Variants in RPS7 observed in about 807,000 individuals in gnomAD.
RPS7 encodes ribosomal protein S7.
Under a neutral mutation model 22.1 loss-of-function variants are expected in RPS7, and 1 was observed. The observed-to-expected ratio is 0.05, with a 90% CI of 0.02 to 0.21. The LOEUF is 0.21. Among genes scored for constraint, RPS7 ranks in the 10% least tolerant of loss-of-function variants. The pLI, the probability that RPS7 is intolerant of heterozygous loss-of-function variation, is 1.00. For missense variants in RPS7, 137 were observed against 246.4 expected (o/e 0.56, Z 2.97); for synonymous variants, 80 against 92.0 (o/e 0.87, Z 0.74).
At chr2:3,576,227 G>T (rs1363053641) in intron 3 of RPS7, 2 of 597,460 alleles carry the variant, frequency 3.3e-6, no homozygotes, top group East Asian at 5.7e-5. Context: ...CCTTAGCCCG[G>T]AGTTGCCGCA....
At chr2:3,579,221 G>C (rs190120183) in intron 5 of RPS7, 2 of 152,150 alleles carry the variant, frequency 1.3e-5, no homozygotes, top group African/African-American at 4.8e-5. Context: ...TTAATGAGTC[G>C]CAATGAATAA....
Position 3,577,702 on chromosome 2 carries a change from C to A in RPS7, c.292-8C>A, listed in dbSNP as rs373405472. 1.0e-5 allele frequency: 16 copies of A among 1,604,064 alleles called. No individual in the cohort carries two copies. In the African/African-American group the frequency reaches 2.1e-4, roughly 21 times the overall value. On this transcript the variant is annotated splice_region_variant and splice_polypyrimidine_tract_variant and intron_variant, in intron 4 of 6. Coordinates refer to ENST00000645674, the MANE Select transcript of RPS7 (RefSeq NM_001011.4). Reference sequence around the variant, plus strand: ...TCATTTTGTTACATGATAATTTTTACCTTACAGAGGAGAATTCTGCCTAAG... The same window carrying A: ...TCATTTTGTTACATGATAATTTTTAACTTACAGAGGAGAATTCTGCCTAAG...
intron 4 of RPS7, chr2:3,577,500 G>T: frequency 1.7e-6 from 1 of 588,328 alleles, no homozygotes; most frequent in Non-Finnish European, 3.0e-6. Flanking sequence ...ATTAGTAGAG[G>T]CTGTGGATTC....
chr2:3,577,949 A>G (rs1661322118), intron 5 of RPS7, 175 bp downstream of exon 5: 1 of 610,320 alleles, frequency 1.6e-6, no homozygotes, highest in South Asian at 2.0e-5. Context: ...TAAAACATAC[A>G]TGTATTCATG....
At chr2:3,578,908 G>A (rs1305368430) in intron 5 of RPS7, 2 of 152,190 alleles carry the variant, frequency 1.3e-5, no homozygotes, top group African/African-American at 4.8e-5. Context: ...TCTGTACATT[G>A]AAAGCCTTCA....
Position 3,575,336 on chromosome 2 carries a change from C to T in RPS7, c.-33C>T. ...CGCGAGATTTGGGTCTCTTCCTAAG[C>T]CGGCGCTCGGCAAGGTAGGTTGGCG... On this transcript the variant is annotated 5_prime_UTR_variant, in exon 1 of 7. Transcript: ENST00000645674. The T allele has an allele frequency of 1.9e-6, 1 of 524,808 alleles. No homozygotes were observed. Among genetic ancestry groups the T allele is most frequent in the Non-Finnish European group, 3.4e-6 (1 of 295,186 alleles). The allele number at this position is 524,808 out of a possible 1,614,324, so 32.5% of individuals were successfully genotyped here. A position where few individuals can be genotyped will look rare whatever the true frequency, so the allele number is the denominator to read the frequency against.
rs1182368410 is a variant in RPS7, at chr2:3,576,687, G to C, written c.291+57G>C. The C allele has an allele frequency of 5.1e-6, 8 of 1,565,238 alleles. No homozygotes were observed. The African/African-American group carries it at 9.5e-5, about 19-fold the overall frequency. ...TTTGTGAATTTTGCTAAAATTGCTTGTATTTAGACTGCATTGGTAGTTGGA... is the reference window on the plus strand; with the variant it reads ...TTTGTGAATTTTGCTAAAATTGCTTCTATTTAGACTGCATTGGTAGTTGGA... On this transcript the variant is annotated intron_variant, in intron 4 of 6. Coordinates refer to ENST00000645674, the MANE Select transcript of RPS7 (RefSeq NM_001011.4).
chr2:3,579,891 T>G, intron 5 of RPS7: 1 of 600,406 alleles, frequency 1.7e-6, no homozygotes, highest in Non-Finnish European at 3.0e-6. Context: ...TAAAATTGAC[T>G]GAGCTTTTGA....
intron 4 of RPS7, chr2:3,577,508 T>A: frequency 1.7e-6 from 1 of 594,280 alleles, no homozygotes; most frequent in Non-Finnish European, 3.0e-6. Context: ...AGGCTGTGGA[T>A]TCTGAATGAT....
Position 3,577,747 on chromosome 2 carries a change from C to T in RPS7, c.329C>T (p.Thr110Ile). Residue 110 changes from threonine to isoleucine, a missense_variant, in exon 5 of 7, where the codon ACA becomes ATA. By Grantham distance (89) the Thr-to-Ile change is moderately conservative. Transcript: ENST00000645674. ...ILPKPTRKSR[T>I]KNKQKRPRSR... ...CCTAAGCCAACTCGAAAAAGCCGTA[C>T]AAAAAATAAGCAAAAGCGTCCCAGG... The T allele has an allele frequency of 6.2e-7, 1 of 1,612,864 alleles. No homozygotes were observed. Among genetic ancestry groups the T allele is most frequent in the African/African-American group, 1.3e-5 (1 of 75,004 alleles).
intron 4 of RPS7, chr2:3,577,284 C>T (rs111963091): frequency 0.015 from 2,842 of 186,082 alleles, 50 homozygotes; most frequent in Middle Eastern, 0.076. Flanking sequence ...TGCAGTGAGC[C>T]GAGATCCCGC....
At chr2:3,580,373 T>C in intron 6 of RPS7, 113 bp downstream of exon 6, 1 of 920,662 alleles carries the variant, frequency 1.1e-6, no homozygotes, top group Non-Finnish European at 1.8e-6. Flanking sequence ...TCAGGACTAG[T>C]TCTTTTACCC....
At chr2:3,578,869 A>G (rs1460305618) in intron 5 of RPS7, 6 of 152,208 alleles carry the variant, frequency 3.9e-5, no homozygotes, top group Non-Finnish European at 1.5e-5. Flanking sequence ...TTCTCAGACA[A>G]TGGCTTCAGT....
At chr2:3,577,574 T>A in intron 4 of RPS7, 136 bp from the exon 5 acceptor site, 1 of 687,136 alleles carries the variant, frequency 1.5e-6, no homozygotes, top group Non-Finnish European at 2.6e-6. Context: ...CAATTGTTCG[T>A]CTAAGTTGTT....
Position 3,576,523 on chromosome 2 carries a change from A to G in RPS7, c.184A>G (p.Ile62Val). 2 of 1,614,068 alleles carry G rather than the reference A, an allele frequency of 1.2e-6. No individual in the cohort carries two copies. Among genetic ancestry groups the G allele is most frequent in the Non-Finnish European group, 1.7e-6 (2 of 1,179,912 alleles). ...EVGGGRKAII[I>V]FVPVPQLKSF... ...TGGTGGTGGTCGGAAAGCTATCATA[A>G]TCTTTGTTCCCGTTCCTCAACTGAA... Residue 62 changes from isoleucine to valine, a missense_variant, in exon 4 of 7, where the codon ATC becomes GTC. By Grantham distance (29) the Ile-to-Val change is conservative. Around this residue, in one of 2 missense-constraint regions of RPS7, gnomAD observed 74 missense variants for 171.4 expected, o/e 0.43. Coordinates refer to ENST00000645674, the MANE Select transcript of RPS7 (RefSeq NM_001011.4).
chr2:3,580,695 C>T, intron 6 of RPS7, 110 bp from the exon 7 acceptor site: 1 of 737,010 alleles, frequency 1.4e-6, no homozygotes, highest in East Asian at 2.6e-5. Flanking sequence ...GTTGTGTGTA[C>T]TTAGTTGCTG....
At chr2:3,578,450 C>G (rs890524298) in intron 5 of RPS7, 1 of 151,914 alleles carries the variant, frequency 6.6e-6, no homozygotes, top group African/African-American at 2.4e-5. Flanking sequence ...TTGTTACTCT[C>G]AGTGGATGAG....
chr2:3,576,844 G>A lies in RPS7; in HGVS notation c.291+214G>A, dbSNP rs866590088. ...TGGATCACTGTAGAGACCAGCCTGG[G>A]CAACATGGTAAGACCCTGTCTACAA... On this transcript the variant is annotated intron_variant, in intron 4 of 6. Coordinates refer to ENST00000645674, the MANE Select transcript of RPS7 (RefSeq NM_001011.4). 25 of 665,108 alleles carry A rather than the reference G, an allele frequency of 3.8e-5. 1 individual carries two copies. In the Middle Eastern group the frequency reaches 5.8e-3, roughly 154 times the overall value. The allele number at this position is 665,108 out of a possible 1,614,324, so 41.2% of individuals were successfully genotyped here. A position where few individuals can be genotyped will look rare whatever the true frequency, so the allele number is the denominator to read the frequency against.
intron 3 of RPS7, 77 bp from the exon 4 acceptor site, chr2:3,576,410 C>T: frequency 3.8e-6 from 5 of 1,306,766 alleles, no homozygotes; most frequent in Admixed American, 3.4e-5. Context: ...GTGATAAGGT[C>T]TTCTTATCCT....
Sources: allele counts gnomAD v4.1 joint callset, GRCh38; gene constraint gnomAD v4.1.1; regional missense constraint gnomAD v4.1.1; transcripts MANE v1.5; gene names NCBI Gene and HGNC (gene_info 2026-07-23, HGNC 2026-07-21).